Variants in HEATR4 observed in about 807,000 individuals in gnomAD.
The protein encoded by HEATR4 is HEAT repeat containing 4.
In HEATR4, 95 loss-of-function variants were observed where a neutral mutation model predicts 108.8. The ratio of observed to expected loss-of-function variants is 0.87; its 90% CI spans 0.74 to 1.04. The LOEUF (loss-of-function observed/expected upper bound fraction) is 1.04, where lower values mean the gene tolerates loss of function less well. HEATR4 is among the 50% of genes least tolerant of loss of function. The probability of loss-of-function intolerance (pLI) is 0.00; values close to 1 mark genes in which losing one functional copy is unlikely to be tolerated. For synonymous variants in HEATR4, 443 were observed against 459.4 expected (o/e 0.96, Z 0.46); for missense variants, 1,152 against 1,253.8 (o/e 0.92, Z 1.23).
At chr14:73,609,541 A>G in the HEATR4 span, among the ~76,000 whole-genome samples, 3 of 147,814 alleles carry the variant, frequency 2.0e-5, no homozygotes, top group African/African-American at 8.0e-5. Context: ...GAAAAAAATG[A>G]TAAGAAAACT....
At chr14:73,480,652 A>G (rs957079326) in intron 17 of HEATR4, among the ~76,000 whole-genome samples, 1 of 152,220 alleles carries the variant, frequency 6.6e-6, no homozygotes, top group Non-Finnish European at 1.5e-5. Flanking sequence ...CAAAACTAGA[A>G]GCAACCAAGA....
At chr14:73,496,713 A>G in intron 14 of HEATR4, 34 bp from the exon 15 acceptor site, 1 of 1,176,088 alleles carries the variant, frequency 8.5e-7, no homozygotes, top group Non-Finnish European at 1.3e-6. Flanking sequence ...AGATTATTCT[A>G]CCCTGCCCTT....
intron 1 of HEATR4, chr14:73,536,979 T>G (rs1888880296): frequency 3.1e-5 from 2 of 64,304 alleles, no homozygotes; most frequent in Non-Finnish European, 3.8e-5. Flanking sequence ...GCTGCCTGGT[T>G]GTTGTTGTTT....
the HEATR4 span, among the ~76,000 whole-genome samples, chr14:73,588,752 C>T: frequency 6.6e-6 from 1 of 152,030 alleles, no homozygotes; most frequent in Non-Finnish European, 1.5e-5. Flanking sequence ...AAGCCAGACC[C>T]ACTCTTGATT....
the HEATR4 span, among the ~76,000 whole-genome samples, chr14:73,583,602 G>A: frequency 1.3e-5 from 2 of 152,116 alleles, no homozygotes; most frequent in East Asian, 1.9e-4. Flanking sequence ...GTGCCAGAGC[G>A]CCAGAGTGAG....
At chr14:73,626,259 C>A in the HEATR4 span, among the ~76,000 whole-genome samples, 4 of 151,996 alleles carry the variant, frequency 2.6e-5, no homozygotes, top group African/African-American at 9.7e-5. Flanking sequence ...CTAATAATAG[C>A]TGATGAGCTT....
rs1410371348 is a variant in HEATR4 at position 73,548,859 on chromosome 14, T to G, written c.-152+9892A>C. Among the ~76,000 whole-genome samples the G allele has an allele frequency of 2.6e-5, 3 of 114,566 alleles. 1 individual carries two copies. In the Admixed American group the frequency reaches 3.0e-4, roughly 11 times the overall value. 75.2% of individuals were successfully genotyped at this position (114,566 alleles called of 152,430 possible). On this transcript the variant is annotated intron_variant, in intron 1 of 17. Coordinates refer to ENST00000553558, the MANE Select transcript of HEATR4 (RefSeq NM_001220484.1). ...AACATGGTGTTTTGATATGTGTATATTAACACACTGTGAAAGGATTCACAG... is the reference window on the plus strand; with the variant it reads ...AACATGGTGTTTTGATATGTGTATAGTAACACACTGTGAAAGGATTCACAG...
At chr14:73,534,807 C>CT (rs553194860) in intron 1 of HEATR4, among the ~76,000 whole-genome samples, 3,483 of 93,842 alleles carry the variant, frequency 0.037, 660 homozygotes, top group African/African-American at 0.11. Flanking sequence ...ATCTTTTCTG[C>CT]TTTTTTTTTT....
intron 17 of HEATR4, among the ~76,000 whole-genome samples, chr14:73,488,802 C>G (rs954233931): frequency 6.6e-6 from 1 of 152,098 alleles, no homozygotes; most frequent in Non-Finnish European, 1.5e-5. Context: ...ATAGGTGGAT[C>G]ACCTGAGGTC....
chr14:73,513,907 G>A, intron 6 of HEATR4, 124 bp downstream of exon 6: 3 of 952,162 alleles, frequency 3.2e-6, no homozygotes, highest in Non-Finnish European at 4.9e-6. Context: ...TAGCCTTAAT[G>A]AGGCAACCAG....
chr14:73,621,372 C>A, the HEATR4 span, among the ~76,000 whole-genome samples: 1 of 152,166 alleles, frequency 6.6e-6, no homozygotes. Context: ...ATACCTTGCA[C>A]GCCATGGCCT....
the HEATR4 span, chr14:73,612,578 G>C: frequency 7.1e-7 from 1 of 1,399,878 alleles, no homozygotes; most frequent in African/African-American, 1.5e-5. Flanking sequence ...TGGGATGGCA[G>C]CGACGCTGAT....
At chr14:73,608,962 C>T in the HEATR4 span, among the ~76,000 whole-genome samples, 4 of 152,318 alleles carry the variant, frequency 2.6e-5, no homozygotes, top group East Asian at 7.7e-4. Context: ...AACTCACTCA[C>T]TATCACCAGA....
chr14:73,479,647 A>G (rs1374642189), intron 17 of HEATR4, among the ~76,000 whole-genome samples: 1 of 150,538 alleles, frequency 6.6e-6, no homozygotes. Context: ...CATGTTGGCC[A>G]GGCTGGTCTC....
the HEATR4 span, among the ~76,000 whole-genome samples, chr14:73,607,359 T>C: frequency 6.6e-6 from 1 of 152,162 alleles, no homozygotes; most frequent in Admixed American, 6.6e-5. Flanking sequence ...TTGGCCCCTT[T>C]TAGCCAGGGC....
the HEATR4 span, among the ~76,000 whole-genome samples, chr14:73,597,026 G>T: frequency 1.5e-3 from 234 of 152,186 alleles, 2 homozygotes; most frequent in African/African-American, 5.3e-3. Context: ...TAAATACAAA[G>T]AAAAACTACG....
At chr14:73,604,961 G>A in the HEATR4 span, among the ~76,000 whole-genome samples, 1 of 152,166 alleles carries the variant, frequency 6.6e-6, no homozygotes, top group Non-Finnish European at 1.5e-5. Flanking sequence ...AAAACAGAGG[G>A]TTTCCCAAAA....
intron 2 of HEATR4, among the ~76,000 whole-genome samples, chr14:73,528,306 C>T (rs187243180): frequency 1.6e-4 from 23 of 143,334 alleles, no homozygotes; most frequent in Admixed American, 1.6e-3. Flanking sequence ...GAGGCAGAAT[C>T]GCTTGAAGCT....
chr14:73,584,965 G>A, the HEATR4 span, among the ~76,000 whole-genome samples: 51 of 151,710 alleles, frequency 3.4e-4, no homozygotes, highest in Non-Finnish European at 1.8e-4. Context: ...CAGATAACCC[G>A]CTGCTCCAGC....
Sources: gnomAD v4.1 joint callset for allele counts (sites outside exome capture counted in the v4.1 genomes callset) on GRCh38, gnomAD v4.1.1 for gene constraint, MANE v1.5 for transcripts, NCBI Gene and HGNC (gene_info 2026-07-23, HGNC 2026-07-21) for gene names.